The following CAMK1D variants were observed in gnomAD, a reference collection of about 807,000 sequenced individuals.
CAMK1D encodes the protein calcium/calmodulin-dependent protein kinase type 1D.
A neutral mutation model predicts 47.7 loss-of-function variants in CAMK1D; 9 were observed. That is an observed-to-expected ratio of 0.19 (90% CI 0.11 to 0.33). CAMK1D has a LOEUF of 0.33. Ranked by LOEUF, CAMK1D falls within the 10% of genes least tolerant of loss-of-function variation. The probability of loss-of-function intolerance (pLI) is 1.00; values close to 1 mark genes in which losing one functional copy is unlikely to be tolerated. For synonymous variants in CAMK1D, 184 were observed against 184.9 expected, an observed-to-expected ratio of 0.99 and a Z score of 0.04; for missense variants, 291 against 488.7, an observed-to-expected ratio of 0.60 and a Z score of 3.81.
At chr10:12,355,522 C>T (rs1280451776) in intron 1 of CAMK1D, among the ~76,000 whole-genome samples, 1 of 151,900 alleles carries the variant, frequency 6.6e-6, no homozygotes, top group Non-Finnish European at 1.5e-5. Context: ...AGAGAATGCA[C>T]AAACACTCGA....
intron 3 of CAMK1D, among the ~76,000 whole-genome samples, chr10:12,670,703 A>AGGG (rs1840588422): frequency 6.6e-6 from 1 of 152,084 alleles, no homozygotes; most frequent in Non-Finnish European, 1.5e-5. Context: ...ACCTGCCACC[A>AGGG]TGCCCAGCTA....
At chr10:12,543,687 A>T (rs143627346) in intron 1 of CAMK1D, among the ~76,000 whole-genome samples, 67 of 152,320 alleles carry the variant, frequency 4.4e-4, no homozygotes, top group African/African-American at 1.6e-3. Context: ...CTTAGGGCAC[A>T]CGCATTTTTG....
intron 3 of CAMK1D, among the ~76,000 whole-genome samples, chr10:12,676,087 G>A (rs1425804142): frequency 1.3e-5 from 2 of 152,080 alleles, no homozygotes; most frequent in African/African-American, 4.8e-5. Context: ...TGAGTAGCTG[G>A]GATTACAGGC....
intron 3 of CAMK1D, among the ~76,000 whole-genome samples, chr10:12,751,398 A>G (rs1835979160): frequency 6.6e-6 from 1 of 152,040 alleles, no homozygotes; most frequent in Admixed American, 6.6e-5. Context: ...GGAATACAGG[A>G]GCTCCACCCC....
At chr10:12,577,758 G>T (rs963990774) in intron 2 of CAMK1D, among the ~76,000 whole-genome samples, 1 of 152,208 alleles carries the variant, frequency 6.6e-6, no homozygotes. Context: ...CCATAACGGG[G>T]TATGATGCTT....
intron 2 of CAMK1D, among the ~76,000 whole-genome samples, chr10:12,565,617 T>C (rs1314512586): frequency 6.6e-6 from 1 of 152,356 alleles, no homozygotes; most frequent in Non-Finnish European, 1.5e-5. Context: ...ATTTAGTAAA[T>C]GTACCTTCAA....
intron 1 of CAMK1D, among the ~76,000 whole-genome samples, chr10:12,355,922 A>T (rs1837498895): frequency 6.6e-6 from 1 of 152,140 alleles, no homozygotes; most frequent in Non-Finnish European, 1.5e-5. Flanking sequence ...CAAGAGCCAA[A>T]GGGGATGTGT....
chr10:12,790,024 G>A (rs571874901), intron 5 of CAMK1D, among the ~76,000 whole-genome samples: 10 of 152,340 alleles, frequency 6.6e-5, no homozygotes, highest in East Asian at 3.9e-4. Flanking sequence ...AATGCTGGGC[G>A]ATGGCCACAG....
intron 1 of CAMK1D, among the ~76,000 whole-genome samples, chr10:12,396,402 C>T (rs1249763757): frequency 2.0e-5 from 3 of 152,154 alleles, no homozygotes; most frequent in African/African-American, 7.2e-5. Context: ...GGGTTTTCTC[C>T]CTCTCAGGGC....
At chr10:12,476,832 C>G (rs1833916629) in intron 1 of CAMK1D, among the ~76,000 whole-genome samples, 1 of 152,142 alleles carries the variant, frequency 6.6e-6, no homozygotes, top group South Asian at 2.1e-4. Context: ...GCAGGCCTGC[C>G]CATCTGTACA....
intron 1 of CAMK1D, among the ~76,000 whole-genome samples, chr10:12,450,921 G>C (rs1833064786): frequency 6.6e-6 from 1 of 152,186 alleles, no homozygotes; most frequent in African/African-American, 2.4e-5. Flanking sequence ...CAGAGGTTAT[G>C]AGCCAACTGG....
chr10:12,426,737 CAG>C (rs1488320030), intron 1 of CAMK1D, among the ~76,000 whole-genome samples: 1 of 151,964 alleles, frequency 6.6e-6, no homozygotes, highest in Non-Finnish European at 1.5e-5. Context: ...GTTGTTGAGA[CAG>C]AGTCGTGCTC....
chr10:12,401,941 G>C (rs892496601), intron 1 of CAMK1D, among the ~76,000 whole-genome samples: 1 of 150,878 alleles, frequency 6.6e-6, no homozygotes, highest in Non-Finnish European at 1.5e-5. Context: ...TGTCACCCAG[G>C]CTGGAGTACA....
chr10:12,502,926 C>G (rs1490234246), intron 1 of CAMK1D, among the ~76,000 whole-genome samples: 1 of 152,216 alleles, frequency 6.6e-6, no homozygotes, highest in African/African-American at 2.4e-5. Context: ...GTGTTGCCTT[C>G]GCAATGGTGG....
rs575642935 is a variant in CAMK1D at position 12,397,476 on chromosome 10, T to C, written c.92+47566T>C. On this transcript the variant is annotated intron_variant, in intron 1 of 10. Coordinates refer to ENST00000619168, the MANE Select transcript of CAMK1D (RefSeq NM_153498.4). Reference sequence around the variant, plus strand: ...TCTTGACCTACCCAAGCGGAGGTCCTGTAGGCCACTCTCCCCAGTCCTAAC... The same window carrying C: ...TCTTGACCTACCCAAGCGGAGGTCCCGTAGGCCACTCTCCCCAGTCCTAAC... 2.0e-3 allele frequency among the ~76,000 whole-genome samples: 303 copies of C among 152,274 alleles called. 1 individual carries two copies. Among genetic ancestry groups the C allele is most frequent in the African/African-American group, 6.9e-3 (286 of 41,564 alleles).
Position 12,734,399 on chromosome 10 carries a change from TATATATAC to T in CAMK1D, c.300-26547_300-26540del, listed in dbSNP as rs1373566439. On this transcript the variant is annotated intron_variant, in intron 3 of 10. Coordinates refer to ENST00000619168, the MANE Select transcript of CAMK1D (RefSeq NM_153498.4). ...ATATAGATATAGATATAGATATATA[TATATATAC>T]ACACACACACACATGTATATATATA... Among the ~76,000 whole-genome samples the T allele has an allele frequency of 7.9e-5, 5 of 63,356 alleles. 1 individual carries two copies. The highest frequency in any genetic ancestry group is 4.0e-4 in the Admixed American group (2 of 5,052). 41.6% of individuals were successfully genotyped at this position (63,356 alleles called of 152,430 possible).
At chr10:12,695,461 A>G (rs1833250054) in intron 3 of CAMK1D, among the ~76,000 whole-genome samples, 1 of 152,172 alleles carries the variant, frequency 6.6e-6, no homozygotes, top group Admixed American at 6.5e-5. Context: ...CTCCCAGCTC[A>G]GCTTCCTCCC....
intron 1 of CAMK1D, among the ~76,000 whole-genome samples, chr10:12,464,149 C>G (rs1188227625): frequency 6.6e-6 from 1 of 152,166 alleles, no homozygotes; most frequent in African/African-American, 2.4e-5. Context: ...TAAAGTATAT[C>G]TCAAAACAAT....
intron 3 of CAMK1D, among the ~76,000 whole-genome samples, chr10:12,692,878 G>A (rs1832984584): frequency 6.6e-6 from 1 of 152,234 alleles, no homozygotes; most frequent in Non-Finnish European, 1.5e-5. Flanking sequence ...GAATAAGGCA[G>A]GCAGGGATCC....
Sources: gnomAD v4.1 joint callset for allele counts (sites outside exome capture counted in the v4.1 genomes callset) on GRCh38, gnomAD v4.1.1 for gene constraint, MANE v1.5 for transcripts, NCBI Gene and HGNC (gene_info 2026-07-23, HGNC 2026-07-21) for gene names.